GDPD4: variants seen among roughly 807,000 people sequenced by gnomAD.
The protein encoded by GDPD4 is glycerophosphodiester phosphodiesterase 6.
GDPD4 carries 60 observed loss-of-function variants against 67.8 expected under a neutral mutation model. That is an observed-to-expected ratio of 0.88 (90% CI 0.72 to 1.10). The LOEUF is 1.10. GDPD4 is among the 50% of genes least tolerant of loss of function. The pLI is 0.00. For missense variants in GDPD4, 623 were observed against 613.9 expected (o/e 1.01, Z -0.16); for synonymous variants, 212 against 210.9 (o/e 1.00, Z -0.04).
intron 10 of GDPD4, among the ~76,000 whole-genome samples, chr11:77,261,513 C>G (rs1649499968): frequency 1.3e-5 from 2 of 152,326 alleles, no homozygotes; most frequent in Middle Eastern, 6.8e-3. Flanking sequence ...GCTGGGATTA[C>G]AGGCTTGAGC....
intron 1 of GDPD4, among the ~76,000 whole-genome samples, chr11:77,298,104 T>TA (rs200971290): frequency 0.024 from 3,651 of 149,464 alleles, 160 homozygotes; most frequent in African/African-American, 0.084. Flanking sequence ...TTTCGTTTTT[T>TA]TAAAAAAAAA....
At position 77,272,116 on chromosome 11, in the gene GDPD4, C is replaced by T. The variant is rs113208353; in HGVS notation, c.208-723G>A. On this transcript the variant is annotated intron_variant, in intron 5 of 16. Transcript: ENST00000315938. ...TCCATAATCTCTACATCTAAAATAA[C>T]TGAATCCATAATTAAGTCTTTCACA... Among the ~76,000 whole-genome samples, 521 of 152,310 alleles carry T rather than the reference C, an allele frequency of 3.4e-3. 1 individual carries two copies. Among genetic ancestry groups the T allele is most frequent in the African/African-American group, 0.012 (485 of 41,578 alleles).
chr11:77,222,276 G>A (rs1309818518), intron 16 of GDPD4, among the ~76,000 whole-genome samples: 4 of 152,194 alleles, frequency 2.6e-5, no homozygotes, highest in Non-Finnish European at 5.9e-5. Flanking sequence ...GATGTTAGCT[G>A]GTTATTTTGC....
At chr11:77,255,369 C>A (rs190866624) in intron 11 of GDPD4, among the ~76,000 whole-genome samples, 1 of 152,068 alleles carries the variant, frequency 6.6e-6, no homozygotes, top group Non-Finnish European at 1.5e-5. Context: ...GAGTTCGAGG[C>A]CAGCCTGGTC....
intron 13 of GDPD4, among the ~76,000 whole-genome samples, chr11:77,240,557 C>A (rs1958642603): frequency 6.6e-6 from 1 of 152,042 alleles, no homozygotes; most frequent in African/African-American, 2.4e-5. Flanking sequence ...AAAAGCTCCA[C>A]AACATTGGTC....
At position 77,272,969 on chromosome 11, in the gene GDPD4, A is replaced by G. The variant is rs1036755869; in HGVS notation, c.208-1576T>C. ...GTTTTTTATGGAGCATCATTATTTT[A>G]TATTCCATTAATTATATAACTCTAG... On this transcript the variant is annotated intron_variant, in intron 5 of 16. Coordinates refer to ENST00000315938, the MANE Select transcript of GDPD4 (RefSeq NM_182833.3). Among the ~76,000 whole-genome samples the G allele has an allele frequency of 4.7e-4, 72 of 152,058 alleles. 1 individual carries two copies. The highest frequency in any genetic ancestry group is 1.5e-4 in the Non-Finnish European group (10 of 68,002).
Position 77,236,851 on chromosome 11 carries a change from G to T in GDPD4, c.1242-3679C>A, listed in dbSNP as rs151037216. On this transcript the variant is annotated intron_variant, in intron 13 of 16. Transcript: ENST00000315938. ...AGGAACCATTCATTTTTCTTTGATT[G>T]GGGAAGTTGCTGCCAGAAGAAAGAA... 9.5e-3 allele frequency among the ~76,000 whole-genome samples: 1,441 copies of T among 152,216 alleles called. 12 individuals carry two copies. Among genetic ancestry groups the T allele is most frequent in the South Asian group, 0.018 (89 of 4,822 alleles).
chr11:77,258,385 C>T lies in GDPD4; in HGVS notation c.864+1G>A. ...TTGTGGAACTTGGGAATGTGTCTTA[C>T]CTCTGGTTTTACAAACCATTTGCCT... On this transcript the variant is annotated splice_donor_variant, in intron 11 of 16. Transcript: ENST00000315938. LOFTEE classifies it high-confidence loss of function. 6.2e-7 allele frequency: 1 copy of T among 1,613,956 alleles called. No homozygotes were observed. Among genetic ancestry groups the T allele is most frequent in the East Asian group, 2.2e-5 (1 of 44,880 alleles).
At chr11:77,256,946 T>C (rs552974972) in intron 11 of GDPD4, among the ~76,000 whole-genome samples, 4 of 152,316 alleles carry the variant, frequency 2.6e-5, no homozygotes, top group African/African-American at 4.8e-5. Flanking sequence ...CAAAACAAAA[T>C]GGACAAACAC....
intron 12 of GDPD4, 142 bp downstream of exon 12, chr11:77,245,139 T>C: frequency 1.5e-6 from 1 of 652,238 alleles, no homozygotes; most frequent in African/African-American, 1.8e-5. Context: ...GCTGTATAAG[T>C]AACAATCTTC....
rs1959201586 is a variant in GDPD4, at chr11:77,270,111, C to G, written c.401-151G>C. On this transcript the variant is annotated intron_variant, in intron 7 of 16. Coordinates refer to ENST00000315938, the MANE Select transcript of GDPD4 (RefSeq NM_182833.3). ...ACTATCTATGCAGTCTTTCTCTTGC[C>G]TGCATACCCCCACAGGTCAGAAAGC... 1.1e-5 allele frequency: 6 copies of G among 535,220 alleles called. No individual in the cohort carries two copies. In the South Asian group the frequency reaches 1.7e-4, roughly 15 times the overall value. The allele number at this position is 535,220 out of a possible 1,614,324, so 33.2% of individuals were successfully genotyped here. A position where few individuals can be genotyped will look rare whatever the true frequency, so the allele number is the denominator to read the frequency against.
chr11:77,269,421 A>T (rs1016730873), intron 8 of GDPD4, among the ~76,000 whole-genome samples: 2 of 152,156 alleles, frequency 1.3e-5, no homozygotes, highest in Admixed American at 1.3e-4. Flanking sequence ...ATTCTAAGAA[A>T]GCCCCAGAGC....
chr11:77,293,618 A>T (rs1937853477), intron 1 of GDPD4, among the ~76,000 whole-genome samples: 1 of 151,952 alleles, frequency 6.6e-6, no homozygotes, highest in South Asian at 2.1e-4. Context: ...CAATAAACTT[A>T]ACCATACTAT....
At chr11:77,266,794 A>C (rs1039681171) in intron 10 of GDPD4, among the ~76,000 whole-genome samples, 1 of 152,218 alleles carries the variant, frequency 6.6e-6, no homozygotes, top group African/African-American at 2.4e-5. Context: ...TAAGGTTATA[A>C]AGAAAGAAAA....
Position 77,268,911 on chromosome 11 carries a change from T to C in GDPD4, c.624+13A>G, listed in dbSNP as rs1959191782. 5 of 1,613,260 alleles carry C rather than the reference T, an allele frequency of 3.1e-6. No individual in the cohort carries two copies. The East Asian group carries it at 8.9e-5, about 29-fold the overall frequency. Reference sequence around the variant, plus strand: ...TACTTATTTTCACCCATGTTCATCATGCTCAGACCTACCATGGGTGCACCT... The same window carrying C: ...TACTTATTTTCACCCATGTTCATCACGCTCAGACCTACCATGGGTGCACCT... On this transcript the variant is annotated intron_variant, in intron 9 of 16. Coordinates refer to ENST00000315938, the MANE Select transcript of GDPD4 (RefSeq NM_182833.3).
intron 10 of GDPD4, among the ~76,000 whole-genome samples, chr11:77,265,921 T>G (rs1373726741): frequency 1.3e-5 from 2 of 152,190 alleles, no homozygotes. Context: ...TATAACCTTT[T>G]GAGACTGGCT....
At chr11:77,219,740 CTCTGTTTTGGTACCAGTACCAT>C (rs995983413) in intron 16 of GDPD4, among the ~76,000 whole-genome samples, 27 of 62,642 alleles carry the variant, frequency 4.3e-4, no homozygotes, top group East Asian at 1.4e-3. Context: ...TGGTCTATAT[CTCTGTTTTGGTACCAGTACCAT>C]GCTGTTTTGG....
At chr11:77,222,890 T>A (rs1346933229) in intron 16 of GDPD4, among the ~76,000 whole-genome samples, 1 of 152,232 alleles carries the variant, frequency 6.6e-6, no homozygotes, top group Non-Finnish European at 1.5e-5. Flanking sequence ...GATTTGGTCT[T>A]TTCACGTAGT....
intron 16 of GDPD4, among the ~76,000 whole-genome samples, chr11:77,220,923 G>A (rs925607037): frequency 3.3e-5 from 5 of 152,020 alleles, no homozygotes; most frequent in East Asian, 1.9e-4. Flanking sequence ...TTCTGAATTC[G>A]GGTGGGTAAC....
Sources: gnomAD v4.1 joint callset for allele counts (sites outside exome capture counted in the v4.1 genomes callset) on GRCh38, gnomAD v4.1.1 for gene constraint, MANE v1.5 for transcripts, NCBI Gene and HGNC (gene_info 2026-07-23, HGNC 2026-07-21) for gene names.